The following SLC25A26 variants were observed in gnomAD, a reference collection of about 807,000 sequenced individuals.
The protein encoded by SLC25A26 is mitochondrial S-adenosylmethionine carrier protein.
In SLC25A26, 36 loss-of-function variants were observed where a neutral mutation model predicts 37.8. The observed-to-expected ratio is 0.95, with a 90% CI of 0.73 to 1.26. The LOEUF (loss-of-function observed/expected upper bound fraction) is 1.26, where lower values mean the gene tolerates loss of function less well. Ranked by LOEUF, SLC25A26 falls within the 50% of genes most tolerant of loss-of-function variation. The pLI, the probability that SLC25A26 is intolerant of heterozygous loss-of-function variation, is 0.00. For missense variants in SLC25A26, 390 were observed against 331.1 expected (o/e 1.18, Z -1.38); for synonymous variants, 129 against 122.5 (o/e 1.05, Z -0.35).
intron 5 of SLC25A26, among the ~76,000 whole-genome samples, chr3:66,271,295 G>T (rs1222333168): frequency 6.6e-6 from 1 of 152,060 alleles, no homozygotes; most frequent in Non-Finnish European, 1.5e-5. Context: ...TTTCCCTTTT[G>T]TAACAAGAAA....
At chr3:66,335,771 A>T (rs1011819409) in intron 5 of SLC25A26, among the ~76,000 whole-genome samples, 10 of 152,104 alleles carry the variant, frequency 6.6e-5, no homozygotes, top group African/African-American at 2.4e-4. Context: ...CTGTCTTCCG[A>T]CCATACAGCA....
intron 6 of SLC25A26, among the ~76,000 whole-genome samples, chr3:66,350,476 A>AT (rs1453747598): frequency 2.6e-5 from 4 of 152,136 alleles, no homozygotes; most frequent in African/African-American, 9.7e-5. Context: ...ATTTCACCTG[A>AT]TTCTTAGTAC....
intron 1 of SLC25A26, among the ~76,000 whole-genome samples, chr3:66,213,900 A>C (rs1277964031): frequency 2.6e-5 from 4 of 152,206 alleles, no homozygotes; most frequent in Non-Finnish European, 5.9e-5. Flanking sequence ...GCTGCACTCC[A>C]ATCTGGGTAA....
intron 1 of SLC25A26, among the ~76,000 whole-genome samples, chr3:66,170,720 C>T (rs992033026): frequency 1.2e-4 from 18 of 150,190 alleles, no homozygotes; most frequent in Non-Finnish European, 2.5e-4. Context: ...CAGTGCCTGA[C>T]ACACATAGTG....
chr3:66,297,142 T>A (rs2074928048), intron 5 of SLC25A26, among the ~76,000 whole-genome samples: 1 of 151,982 alleles, frequency 6.6e-6, no homozygotes, highest in African/African-American at 2.4e-5. Flanking sequence ...CAGGCCAACA[T>A]GATGAAACCC....
chr3:66,292,991 T>C (rs915352317), intron 5 of SLC25A26: 6 of 152,086 alleles, frequency 3.9e-5, no homozygotes, highest in African/African-American at 1.4e-4. Flanking sequence ...TTCCTTTTCA[T>C]TCTTTTTTTC....
intron 5 of SLC25A26, among the ~76,000 whole-genome samples, chr3:66,305,489 G>A (rs991679572): frequency 4.6e-5 from 7 of 152,158 alleles, no homozygotes; most frequent in Non-Finnish European, 1.0e-4. Context: ...GGATACATAT[G>A]TAGGATATGC....
Position 66,290,334 on chromosome 3 carries a change from A to G in SLC25A26, c.453+26955A>G, listed in dbSNP as rs188803158. Among the ~76,000 whole-genome samples the G allele has an allele frequency of 6.6e-5, 10 of 152,328 alleles. No individual in the cohort carries two copies. The East Asian group carries it at 1.9e-3, about 29-fold the overall frequency. ...TTTCTCTTGCCTGATTGCCCTGGCC[A>G]GAACTTCCAATACTCTGTTGAATAG... On this transcript the variant is annotated intron_variant, in intron 5 of 9. Transcript: ENST00000354883.
Position 66,377,951 on chromosome 3 carries a change from G to C in SLC25A26, c.*144G>C, listed in dbSNP as rs911247171. 1.5e-6 allele frequency: 1 copy of C among 657,042 alleles called. No homozygotes were observed. The highest frequency in any genetic ancestry group is 2.7e-5 in the Admixed American group (1 of 37,588). The allele number at this position is 657,042 out of a possible 1,614,324, so 40.7% of individuals were successfully genotyped here. A position where few individuals can be genotyped will look rare whatever the true frequency, so the allele number is the denominator to read the frequency against. On this transcript the variant is annotated 3_prime_UTR_variant, in exon 10 of 10. Coordinates refer to ENST00000354883, the MANE Select transcript of SLC25A26 (RefSeq NM_001379210.1). ...TACCGGCATGGAGATTGTGCCATCC[G>C]TGGTATAGGCTGGCTGGTATGAAGT...
At chr3:66,310,202 A>T (rs2107598355) in intron 5 of SLC25A26, among the ~76,000 whole-genome samples, 1 of 152,292 alleles carries the variant, frequency 6.6e-6, no homozygotes. Context: ...GTGCATATAT[A>T]TTTAGGATAG....
At chr3:66,180,122 A>T (rs187462991) in intron 1 of SLC25A26, among the ~76,000 whole-genome samples, 3 of 152,334 alleles carry the variant, frequency 2.0e-5, no homozygotes, top group Non-Finnish European at 1.5e-5. Context: ...GTGAAGTAGG[A>T]TTCAAGGATG....
chr3:66,377,703 G>C lies in SLC25A26; in HGVS notation c.721G>C (p.Val241Leu). Reference protein sequence around the residue: ...SQGLAGLFAGVFPRMAAISLG... With the variant: ...SQGLAGLFAGLFPRMAAISLG... Reference sequence around the variant, plus strand: ...TTTTTCCCCTAGATTATTTGCAGGTGTCTTCCCTCGAATGGCAGCCATCAG... The same window carrying C: ...TTTTTCCCCTAGATTATTTGCAGGTCTCTTCCCTCGAATGGCAGCCATCAG... The change falls in exon 10 of 10, where the codon GTC (valine) becomes CTC (leucine). Residue 241 changes from valine (V) to leucine (L), a missense_variant. By Grantham distance (32) the Val-to-Leu change is conservative. Coordinates refer to ENST00000354883, the MANE Select transcript of SLC25A26 (RefSeq NM_001379210.1). 1 of 1,613,562 alleles carries C rather than the reference G, an allele frequency of 6.2e-7. No homozygotes were observed. The highest frequency in any genetic ancestry group is 1.7e-5 in the Admixed American group (1 of 60,022).
intron 2 of SLC25A26, among the ~76,000 whole-genome samples, chr3:66,241,321 A>T (rs1452441512): frequency 6.6e-6 from 1 of 152,196 alleles, no homozygotes; most frequent in African/African-American, 2.4e-5. Context: ...GACAAGTTTG[A>T]GAACCTCTGA....
intron 5 of SLC25A26, among the ~76,000 whole-genome samples, chr3:66,325,689 C>T (rs1016812628): frequency 2.6e-5 from 4 of 152,032 alleles, no homozygotes; most frequent in African/African-American, 4.8e-5. Flanking sequence ...AAGAAGGCCC[C>T]GGAGATAAGG....
intron 1 of SLC25A26, among the ~76,000 whole-genome samples, chr3:66,199,338 C>T (rs1430401207): frequency 6.6e-6 from 1 of 151,838 alleles, no homozygotes; most frequent in Non-Finnish European, 1.5e-5. Flanking sequence ...CTCATCCTGA[C>T]TTGGACTCTC....
At chr3:66,317,904 G>A (rs115878758) in intron 5 of SLC25A26, among the ~76,000 whole-genome samples, 1 of 152,184 alleles carries the variant, frequency 6.6e-6, no homozygotes, top group African/African-American at 2.4e-5. Flanking sequence ...TGACCCAGCC[G>A]CTGTACTGTG....
At chr3:66,291,712 A>G (rs1414059060) in intron 5 of SLC25A26, among the ~76,000 whole-genome samples, 1 of 152,166 alleles carries the variant, frequency 6.6e-6, no homozygotes, top group Non-Finnish European at 1.5e-5. Context: ...GGAGTGTTTT[A>G]CTTCCAATTA....
Position 66,209,894 on chromosome 3 carries a change from C to CA in SLC25A26, c.-353-10848_-353-10847insA, listed in dbSNP as rs1423675632. On this transcript the variant is annotated intron_variant, in intron 1 of 10. Coordinates refer to the SLC25A26 transcript ENST00000676754. ...TATATATACTCCTCTCTCTCTCTCT[C>CA]TATTTATATATATATATATATATAT... 3.3e-3 allele frequency among the ~76,000 whole-genome samples: 44 copies of CA among 13,176 alleles called. 4 individuals are homozygous for CA. Among genetic ancestry groups the CA allele is most frequent in the African/African-American group, 8.5e-3 (43 of 5,032 alleles). 8.6% of individuals were successfully genotyped at this position (13,176 alleles called of 152,430 possible).
intron 5 of SLC25A26, among the ~76,000 whole-genome samples, chr3:66,327,354 C>G (rs1300372762): frequency 2.6e-5 from 4 of 152,098 alleles, no homozygotes; most frequent in Non-Finnish European, 4.4e-5. Flanking sequence ...TGTGGTTTGA[C>G]TCCAGGATAA....
Sources: allele counts gnomAD v4.1 joint callset (sites outside exome capture counted in the v4.1 genomes callset), GRCh38; gene constraint gnomAD v4.1.1; transcripts MANE v1.5; gene names NCBI Gene and HGNC (gene_info 2026-07-23, HGNC 2026-07-21).